EIF4G3: variants seen among roughly 807,000 people sequenced by gnomAD.
The protein encoded by EIF4G3 is eIF-4-gamma 3.
Under a neutral mutation model 186.4 loss-of-function variants are expected in EIF4G3, and 34 were observed. The ratio of observed to expected loss-of-function variants is 0.18; its 90% CI spans 0.14 to 0.24. The LOEUF is 0.24. Among genes scored for constraint, EIF4G3 ranks in the 10% least tolerant of loss-of-function variants. The probability of loss-of-function intolerance (pLI) is 1.00; values close to 1 mark genes in which losing one functional copy is unlikely to be tolerated. For synonymous variants in EIF4G3, 673 were observed against 679.5 expected (o/e 0.99, Z 0.15); for missense variants, 1,536 against 1,948.5 (o/e 0.79, Z 3.99).
intron 3 of EIF4G3, among the ~76,000 whole-genome samples, chr1:21,063,375 C>G (rs548368467): frequency 6.6e-6 from 1 of 151,952 alleles, no homozygotes. Context: ...ATTGATTCTG[C>G]TGAGAGAGCG....
chr1:21,053,953 C>T (rs1367090481), intron 3 of EIF4G3, among the ~76,000 whole-genome samples: 1 of 152,134 alleles, frequency 6.6e-6, no homozygotes, highest in Non-Finnish European at 1.5e-5. Flanking sequence ...CCGGCCACCA[C>T]CCCGTCTGGG....
chr1:20,960,826 C>CA (rs1404879459), intron 12 of EIF4G3, among the ~76,000 whole-genome samples: 8 of 152,112 alleles, frequency 5.3e-5, no homozygotes, highest in Non-Finnish European at 1.2e-4. Flanking sequence ...AAAGCTAAAA[C>CA]ACAATCATCA....
chr1:20,875,416 C>A (rs2080466538), intron 20 of EIF4G3, among the ~76,000 whole-genome samples: 1 of 152,160 alleles, frequency 6.6e-6, no homozygotes, highest in Non-Finnish European at 1.5e-5. Flanking sequence ...TGTGTTGAAG[C>A]TGGTTCATAT....
chr1:21,061,330 G>A (rs2094901923), intron 3 of EIF4G3, among the ~76,000 whole-genome samples: 1 of 152,132 alleles, frequency 6.6e-6, no homozygotes, highest in Admixed American at 6.5e-5. Flanking sequence ...AGATTGTGAA[G>A]CATTGTATAT....
At chr1:21,146,013 T>G (rs1408079810) in intron 2 of EIF4G3, among the ~76,000 whole-genome samples, 2 of 152,054 alleles carry the variant, frequency 1.3e-5, no homozygotes, top group African/African-American at 4.8e-5. Flanking sequence ...GAGGATCAAC[T>G]CAGCCCAGGA....
At chr1:21,026,533 A>T (rs1287004449) in intron 4 of EIF4G3, among the ~76,000 whole-genome samples, 1 of 149,160 alleles carries the variant, frequency 6.7e-6, no homozygotes, top group Admixed American at 6.6e-5. Flanking sequence ...AAAAAAAAAA[A>T]GTAGACAACT....
chr1:21,027,975 C>T (rs1377450504), intron 4 of EIF4G3, among the ~76,000 whole-genome samples: 1 of 152,178 alleles, frequency 6.6e-6, no homozygotes, highest in African/African-American at 2.4e-5. Flanking sequence ...GGAATTCTGA[C>T]ATATCCTACA....
intron 4 of EIF4G3, among the ~76,000 whole-genome samples, chr1:21,043,892 GGAAA>G (rs2093723322): frequency 6.7e-6 from 1 of 149,190 alleles, no homozygotes; most frequent in Admixed American, 6.7e-5. Flanking sequence ...AAGGAAGGAT[GGAAA>G]GAAAGAGAGA....
chr1:21,053,190 G>C (rs2094350692), intron 3 of EIF4G3, among the ~76,000 whole-genome samples: 1 of 151,712 alleles, frequency 6.6e-6, no homozygotes, highest in Non-Finnish European at 1.5e-5. Context: ...CCTCTGCCCT[G>C]CCACCCCGTC....
chr1:21,089,231 G>A lies in EIF4G3; in HGVS notation c.-271-18C>T. On this transcript the variant is annotated intron_variant, in intron 2 of 36. Transcript: ENST00000602326. ...TAGGAATTCTAGAAGAGCGAGTTAA[G>A]GATAAGAGAATTCAAAAATGGATGC... is the stretch of plus-strand genomic sequence containing the variant. 1 of 712,198 alleles carries A rather than the reference G, an allele frequency of 1.4e-6. No homozygotes were observed. The highest frequency in any genetic ancestry group is 2.7e-5 in the East Asian group (1 of 37,244). 44.1% of individuals were successfully genotyped at this position (712,198 alleles called of 1,614,324 possible).
chr1:21,056,179 C>T (rs1222261707), intron 3 of EIF4G3, among the ~76,000 whole-genome samples: 1 of 152,106 alleles, frequency 6.6e-6, no homozygotes, highest in Non-Finnish European at 1.5e-5. Flanking sequence ...AACTGGTAAT[C>T]CTTTGGTATC....
intron 4 of EIF4G3, among the ~76,000 whole-genome samples, chr1:21,004,422 G>GACAT (rs1404964755): frequency 6.6e-6 from 1 of 151,900 alleles, no homozygotes; most frequent in African/African-American, 2.4e-5. Context: ...AAGAACAATG[G>GACAT]ACATATCCAC....
chr1:20,938,481 T>A (rs1224092368), intron 14 of EIF4G3, among the ~76,000 whole-genome samples: 1 of 152,200 alleles, frequency 6.6e-6, no homozygotes, highest in African/African-American at 2.4e-5. Context: ...AGGTGTTTCA[T>A]CCTCAGGCAG....
intron 3 of EIF4G3, among the ~76,000 whole-genome samples, chr1:21,085,596 T>G (rs1235028050): frequency 6.6e-6 from 1 of 152,014 alleles, no homozygotes; most frequent in African/African-American, 2.4e-5. Flanking sequence ...GGGGTCTCAT[T>G]ATGTTGCACA....
At position 21,063,891 on chromosome 1, in the gene EIF4G3, T is replaced by G. The variant is rs1246166772; in HGVS notation, c.-195-12897A>C. Among the ~76,000 whole-genome samples the G allele has an allele frequency of 4.6e-5, 7 of 150,998 alleles. No individual in the cohort carries two copies. The East Asian group carries it at 1.4e-3, about 29-fold the overall frequency. Reference sequence around the variant, plus strand: ...CACCCAGCTAATTTTTTTTTTTTTTTTTGGTATTTTTATCACAGATGGGGT... The same window carrying G: ...CACCCAGCTAATTTTTTTTTTTTTTGTTGGTATTTTTATCACAGATGGGGT... On this transcript the variant is annotated intron_variant, in intron 3 of 36. Transcript: ENST00000602326.
At chr1:21,097,934 T>G (rs373224487) in intron 2 of EIF4G3, among the ~76,000 whole-genome samples, 2 of 151,994 alleles carry the variant, frequency 1.3e-5, no homozygotes, top group African/African-American at 4.8e-5. Context: ...AAAAGCATGA[T>G]GTATTTAAAA....
chr1:20,968,463 G>T (rs2075181936), intron 12 of EIF4G3, among the ~76,000 whole-genome samples: 2 of 152,162 alleles, frequency 1.3e-5, no homozygotes, highest in South Asian at 4.1e-4. Context: ...TTACAGGCAT[G>T]AGCCAACGCG....
chr1:21,050,797 T>C (rs1444402385), intron 4 of EIF4G3, 69 bp downstream of exon 4: 10 of 672,212 alleles, frequency 1.5e-5, no homozygotes, highest in Non-Finnish European at 2.7e-5. Context: ...CTTAGGAGTC[T>C]CTTTAGAAAA....
At chr1:20,914,101 CCCTG>C (rs1327979497) in intron 14 of EIF4G3, among the ~76,000 whole-genome samples, 4 of 151,742 alleles carry the variant, frequency 2.6e-5, no homozygotes, top group Non-Finnish European at 1.5e-5. Context: ...AGCCACCACG[CCCTG>C]CCTTTTTTTT....
Sources: gnomAD v4.1 joint callset for allele counts (sites outside exome capture counted in the v4.1 genomes callset) on GRCh38, gnomAD v4.1.1 for gene constraint, MANE v1.5 for transcripts, NCBI Gene and HGNC (gene_info 2026-07-23, HGNC 2026-07-21) for gene names.